PCDHGB5: variants seen among roughly 807,000 people sequenced by gnomAD.
PCDHGB5 encodes protocadherin gamma subfamily B, 5, also known as protocadherin gamma-B5.
A neutral mutation model predicts 62.9 loss-of-function variants in PCDHGB5; 48 were observed. The ratio of observed to expected loss-of-function variants is 0.76; its 90% CI spans 0.61 to 0.97. The LOEUF is 0.97. Among genes scored for constraint, PCDHGB5 ranks in the 50% least tolerant of loss-of-function variants. The pLI, the probability that PCDHGB5 is intolerant of heterozygous loss-of-function variation, is 0.00. For synonymous variants in PCDHGB5, 474 were observed against 511.2 expected (o/e 0.93, Z 0.98); for missense variants, 1,118 against 1,198.6 (o/e 0.93, Z 0.99).
intron 1 of PCDHGB5, chr5:141,422,676 A>C (rs1245488589): frequency 6.2e-7 from 1 of 1,606,500 alleles, no homozygotes; most frequent in Admixed American, 1.7e-5. Flanking sequence ...CGGACAGCAA[A>C]CAGAATGCCC....
At chr5:141,427,519 G>A (rs1428732557) in intron 1 of PCDHGB5, 1 of 602,000 alleles carries the variant, frequency 1.7e-6, no homozygotes, top group Non-Finnish European at 3.1e-6. Context: ...GATTGGGAGC[G>A]GATCCCGGAG....
chr5:141,485,033 T>C lies in PCDHGB5; in HGVS notation c.2398-9774T>C. 1 of 689,352 alleles carries C rather than the reference T, an allele frequency of 1.5e-6. No homozygotes were observed. The highest frequency in any genetic ancestry group is 2.5e-6 in the Non-Finnish European group (1 of 392,590). The allele number at this position is 689,352 out of a possible 1,614,324, so 42.7% of individuals were successfully genotyped here. On this transcript the variant is annotated intron_variant, in intron 1 of 3. Coordinates refer to ENST00000617380, the MANE Select transcript of PCDHGB5 (RefSeq NM_018925.3). This position sits in a 1 kb window ranked among gnomAD's most constrained non-coding sequence, Gnocchi z 5.7. ...CCCCGCCACCAGCAAAAACGGCGCG[T>C]AACCCTTGCGGCGCCGGCCGAACCG...
At position 141,399,370 on chromosome 5, in the gene PCDHGB5, A is replaced by C. The variant is rs1466560972; in HGVS notation, c.1243A>C (p.Asn415His). 2 of 1,614,004 alleles carry C rather than the reference A, an allele frequency of 1.2e-6. No individual in the cohort carries two copies. Among genetic ancestry groups the C allele is most frequent in the Non-Finnish European group, 1.7e-6 (2 of 1,179,896 alleles). Residue 415 changes from asparagine to histidine, a missense_variant, in exon 1 of 4, where the codon AAT becomes CAT. Coordinates refer to ENST00000617380, the MANE Select transcript of PCDHGB5 (RefSeq NM_018925.3). The part of the protein sequence containing the change: ...TLDREQTPEY[N>H]VTITATDRGK... ...AGACCGAGAGCAAACCCCGGAGTAC[A>C]ATGTCACCATCACAGCCACAGACAG...
intron 1 of PCDHGB5, chr5:141,402,972 G>C: frequency 6.2e-7 from 1 of 1,608,318 alleles, no homozygotes; most frequent in Non-Finnish European, 8.5e-7. Flanking sequence ...CCAACCAAAT[G>C]CCAGCTCCGC....
rs1224943883 is a variant in PCDHGB5 at position 141,493,516 on chromosome 5, G to A, written c.2398-1291G>A. Among the ~76,000 whole-genome samples, 1 of 152,122 alleles carries A rather than the reference G, an allele frequency of 6.6e-6. No individual in the cohort carries two copies. The highest frequency in any genetic ancestry group is 1.5e-5 in the Non-Finnish European group (1 of 68,036). On this transcript the variant is annotated intron_variant, in intron 1 of 3. Coordinates refer to ENST00000617380, the MANE Select transcript of PCDHGB5 (RefSeq NM_018925.3). The surrounding 1 kb of genome is among the most constrained non-coding windows in gnomAD (Gnocchi z 4.3). ...GGCTCCTCATTTCTGAGCAGTCCCC[G>A]CAGCGCAAACTTGGCCAGTTATCCT...
rs561908431 is a variant in PCDHGB5, at chr5:141,510,639, TATC to T, written c.2546-304_2546-302del. Among the ~76,000 whole-genome samples the T allele has an allele frequency of 8.5e-3, 1,289 of 152,298 alleles. 6 individuals carry two copies. Among genetic ancestry groups the T allele is most frequent in the Middle Eastern group, 0.058 (17 of 294 alleles). On this transcript the variant is annotated intron_variant, in intron 3 of 3. Transcript: ENST00000617380. ...TAAAACCAGAAGAGGTGGTTACCAT[TATC>T]ATCCCCATTTTGCAGATGAGAAAAC...
chr5:141,415,761 T>TG (rs1485369884), intron 1 of PCDHGB5: 1 of 1,399,490 alleles, frequency 7.1e-7, no homozygotes, highest in Non-Finnish European at 9.3e-7. Flanking sequence ...TTTTTTTTTT[T>TG]TTTTTTTTTT....
At chr5:141,415,185 C>T (rs375113497) in intron 1 of PCDHGB5, 2 of 1,613,978 alleles carry the variant, frequency 1.2e-6, no homozygotes, top group Non-Finnish European at 8.5e-7. Flanking sequence ...CCGTGGCCGA[C>T]AGCATCCCCC....
chr5:141,491,048 C>G lies in PCDHGB5; in HGVS notation c.2398-3759C>G. On this transcript the variant is annotated intron_variant, in intron 1 of 3. Coordinates refer to ENST00000617380, the MANE Select transcript of PCDHGB5 (RefSeq NM_018925.3). The surrounding 1 kb of genome is among the most constrained non-coding windows in gnomAD (Gnocchi z 6.9). ...GTGGATGCTGATGCAGGCCACAATGCGTGGCTCTCCTACTCACTGTTGCCA... is the reference window on the plus strand; with the variant it reads ...GTGGATGCTGATGCAGGCCACAATGGGTGGCTCTCCTACTCACTGTTGCCA... 1.2e-6 allele frequency: 2 copies of G among 1,614,066 alleles called. No individual in the cohort carries two copies. Among genetic ancestry groups the G allele is most frequent in the Non-Finnish European group, 8.5e-7 (1 of 1,179,952 alleles).
At chr5:141,466,107 G>T (rs1463944825) in intron 1 of PCDHGB5, among the ~76,000 whole-genome samples, 1 of 151,928 alleles carries the variant, frequency 6.6e-6, no homozygotes, top group East Asian at 1.9e-4. Flanking sequence ...GGGCAACAGA[G>T]TGAGACTCCA....
At chr5:141,496,289 G>A (rs1347634489) in intron 2 of PCDHGB5, among the ~76,000 whole-genome samples, 3 of 152,224 alleles carry the variant, frequency 2.0e-5, no homozygotes, top group Non-Finnish European at 4.4e-5. Flanking sequence ...GGTCTGAGCA[G>A]AGTGGGATAG....
At chr5:141,415,810 T>TATATATC in intron 1 of PCDHGB5, 1 of 1,360,418 alleles carries the variant, frequency 7.4e-7, no homozygotes, top group Non-Finnish European at 9.5e-7. Flanking sequence ...AATCAAGGCC[T>TATATATC]ATATATCATA....
rs1335023784 is a variant in PCDHGB5 at position 141,490,877 on chromosome 5, C to CCAA, written c.2398-3927_2398-3925dup. 2.5e-6 allele frequency: 4 copies of CCAA among 1,613,762 alleles called. No homozygotes were observed. Among genetic ancestry groups the CCAA allele is most frequent in the Non-Finnish European group, 3.4e-6 (4 of 1,179,908 alleles). On this transcript the variant is annotated intron_variant, in intron 1 of 3. Transcript: ENST00000617380. This position sits in a 1 kb window ranked among gnomAD's most constrained non-coding sequence, Gnocchi z 5.4. ...GACTCCGGCTCTCCCCCATTGCATG[C>CCAA]CAACACATCTCTGCATGTGTTTGTC...
At position 141,491,303 on chromosome 5, in the gene PCDHGB5, C is replaced by T; in HGVS notation, c.2398-3504C>T. On this transcript the variant is annotated intron_variant, in intron 1 of 3. Coordinates refer to ENST00000617380, the MANE Select transcript of PCDHGB5 (RefSeq NM_018925.3). This position sits in a 1 kb window ranked among gnomAD's most constrained non-coding sequence, Gnocchi z 6.9. ...TTCCTCATACACCCTCCTGAGCGTT[C>T]AGACCTTACCCTTTACCTCATTGTG... 6.2e-7 allele frequency: 1 copy of T among 1,614,132 alleles called. No homozygotes were observed. The highest frequency in any genetic ancestry group is 8.5e-7 in the Non-Finnish European group (1 of 1,179,962).
rs192631651 is a variant in PCDHGB5 at position 141,432,052 on chromosome 5, C to T, written c.2397+31528C>T. On this transcript the variant is annotated intron_variant, in intron 1 of 3. Transcript: ENST00000617380. This position sits in a 1 kb window ranked among gnomAD's most constrained non-coding sequence, Gnocchi z 6.0. ...CCGCCACTGACCGGGGAACCCCGCC[C>T]CTATCCACGGAAACTCATATCTCGC... is the stretch of plus-strand genomic sequence containing the variant. The T allele has an allele frequency of 1.2e-6, 2 of 1,614,108 alleles. No individual in the cohort carries two copies. The highest frequency in any genetic ancestry group is 1.3e-5 in the African/African-American group (1 of 74,930).
Position 141,489,352 on chromosome 5 carries a change from G to A in PCDHGB5, c.2398-5455G>A, listed in dbSNP as rs1336068787. 1.9e-6 allele frequency: 3 copies of A among 1,612,152 alleles called. No homozygotes were observed. In the Admixed American group the frequency reaches 5.0e-5, roughly 27 times the overall value. On this transcript the variant is annotated intron_variant, in intron 1 of 3. Transcript: ENST00000617380. The surrounding 1 kb of genome is among the most constrained non-coding windows in gnomAD (Gnocchi z 4.5). ...GCAGCTTCGTTACTCAGTGGTGGAG[G>A]AGTCTGAGCCGGGGACGCTGGTGGG...
rs757663132 is a variant in PCDHGB5 at position 141,510,991 on chromosome 5, A to G, written c.2590A>G (p.Met864Val). ...CACCCTGGGAGGGGGTGCCGGCACC[A>G]TGGGATTGAGCGCCCGCTACGGACC... is the stretch of plus-strand genomic sequence containing the variant. ...SSTLGGGAGT[M>V]GLSARYGPQF... is the part of the protein sequence containing the mutation. Residue 864 changes from methionine (M) to valine (V), a missense_variant, in exon 4 of 4, where the codon ATG becomes GTG. Coordinates refer to ENST00000617380, the MANE Select transcript of PCDHGB5 (RefSeq NM_018925.3). 1.2e-6 allele frequency: 2 copies of G among 1,614,136 alleles called. No individual in the cohort carries two copies. Among genetic ancestry groups the G allele is most frequent in the Admixed American group, 3.3e-5 (2 of 60,022 alleles).
rs1264688160 is a variant in PCDHGB5, at chr5:141,493,193, G to A, written c.2398-1614G>A. 6.6e-6 allele frequency among the ~76,000 whole-genome samples: 1 copy of A among 152,128 alleles called. No individual in the cohort carries two copies. On this transcript the variant is annotated intron_variant, in intron 1 of 3. Transcript: ENST00000617380. This position sits in a 1 kb window ranked among gnomAD's most constrained non-coding sequence, Gnocchi z 4.3. ...GAGAAACTTACTATATAACTCCTTT[G>A]AGAACCTCATCTCATTTGCTCTTCC...
At chr5:141,420,245 G>T (rs72790042) in intron 1 of PCDHGB5, 1 of 1,584,230 alleles carries the variant, frequency 6.3e-7, no homozygotes, top group East Asian at 2.2e-5. Flanking sequence ...AACTCCCAGC[G>T]TTGAAGCAGA....
Sources: gnomAD v4.1 joint callset for allele counts (sites outside exome capture counted in the v4.1 genomes callset) on GRCh38, gnomAD v4.1.1 for gene constraint, Gnocchi (gnomAD v3.1) non-coding constraint, MANE v1.5 for transcripts, NCBI Gene and HGNC (gene_info 2026-07-23, HGNC 2026-07-21) for gene names.